Variants in MYO10 observed in about 807,000 individuals in gnomAD.
The protein encoded by MYO10 is unconventional myosin-X.
MYO10 carries 133 observed loss-of-function variants against 257.3 expected under a neutral mutation model. That is an observed-to-expected ratio of 0.52 (90% CI 0.45 to 0.60). The LOEUF (loss-of-function observed/expected upper bound fraction) is 0.60, where lower values mean the gene tolerates loss of function less well. Ranked by LOEUF, MYO10 falls within the 20% of genes least tolerant of loss-of-function variation. The pLI is 0.00. For synonymous variants in MYO10, 1,104 were observed against 1,028.6 expected (o/e 1.07, Z -1.40); for missense variants, 2,399 against 2,635.7 (o/e 0.91, Z 1.97).
rs764475028 is a variant in MYO10, at chr5:16,671,508, A to G, written c.5344T>C (p.Trp1782Arg). 41 of 1,613,850 alleles carry G rather than the reference A, an allele frequency of 2.5e-5. No individual in the cohort carries two copies. In the East Asian group the frequency reaches 8.7e-4, roughly 34 times the overall value. The part of the protein sequence containing the change: ...AATSEVGDLP[W>R]KFYFKLYCFL... ...CAGTAAAGTTTGAAGTAGAATTTCC[A>G]TGGCAGGTCCCCAACCTCGGATGTG... Residue 1782 changes from tryptophan to arginine, a missense_variant, in exon 38 of 41, where the codon TGG becomes CGG. Physicochemically the swap from Trp to Arg is moderately radical, Grantham distance 101. This residue lies in a region of MYO10 where 1,820 missense variants were observed against 1,939.4 expected (regional missense o/e 0.94). Coordinates refer to ENST00000513610, the MANE Select transcript of MYO10 (RefSeq NM_012334.3).
chr5:16,817,431 T>C (rs992644157), intron 3 of MYO10, among the ~76,000 whole-genome samples: 2 of 152,202 alleles, frequency 1.3e-5, no homozygotes, highest in African/African-American at 4.8e-5. Flanking sequence ...CACTTTATAA[T>C]ACAGGTATAG....
At chr5:16,843,076 C>T (rs1743531552) in intron 2 of MYO10, among the ~76,000 whole-genome samples, 2 of 152,040 alleles carry the variant, frequency 1.3e-5, no homozygotes, top group African/African-American at 4.8e-5. Flanking sequence ...TTCATTCCTC[C>T]TGTTCCCCTT....
At chr5:16,694,014 G>A (rs2126529775) in intron 27 of MYO10, among the ~76,000 whole-genome samples, 1 of 152,268 alleles carries the variant, frequency 6.6e-6, no homozygotes, top group Admixed American at 6.6e-5. Context: ...GGCAACAGCT[G>A]GAGTAAGGAA....
rs1303882644 is a variant in MYO10, at chr5:16,747,934, A to G, written c.1929+6894T>C. On this transcript the variant is annotated intron_variant, in intron 19 of 40. Coordinates refer to ENST00000513610, the MANE Select transcript of MYO10 (RefSeq NM_012334.3). Reference sequence around the variant, plus strand: ...ACTCCGTCTCAAAAAAAAAAAAAAAAAAAAAAAAAAAAGAAAAAAAAAAAG... The same window carrying G: ...ACTCCGTCTCAAAAAAAAAAAAAAAGAAAAAAAAAAAAGAAAAAAAAAAAG... Among the ~76,000 whole-genome samples the G allele has an allele frequency of 4.9e-5, 6 of 123,194 alleles. No homozygotes were observed. The South Asian group carries it at 6.3e-4, about 13-fold the overall frequency. The allele number at this position is 123,194 out of a possible 152,430, so 80.8% of individuals were successfully genotyped here.
At chr5:16,866,052 CACACACAAA>C (rs1480011024) in intron 2 of MYO10, among the ~76,000 whole-genome samples, 1 of 149,572 alleles carries the variant, frequency 6.7e-6, no homozygotes, top group African/African-American at 2.5e-5. Flanking sequence ...CACACACACA[CACACACAAA>C]ACAATAGAGG....
chr5:16,924,567 C>T (rs1053825514), intron 1 of MYO10, among the ~76,000 whole-genome samples: 4 of 152,090 alleles, frequency 2.6e-5, no homozygotes, highest in South Asian at 4.1e-4. Flanking sequence ...CAAATAGGCA[C>T]GCAATGACTT....
chr5:16,848,504 G>T (rs555164759), intron 2 of MYO10, among the ~76,000 whole-genome samples: 1 of 152,130 alleles, frequency 6.6e-6, no homozygotes, highest in Admixed American at 6.5e-5. Context: ...ATGCTGCTCT[G>T]ATTTTCTAAA....
In MYO10 at chr5:16,826,994, T is replaced by C. The variant is rs114750046; in HGVS notation, c.121-8827A>G. Reference sequence around the variant, plus strand: ...ATTTTGTACTGAGTAATTTATACTTTTATGGCGTTCCTTTGCAACCAAGAA... The same window carrying C: ...ATTTTGTACTGAGTAATTTATACTTCTATGGCGTTCCTTTGCAACCAAGAA... On this transcript the variant is annotated intron_variant, in intron 2 of 40. Transcript: ENST00000513610. 4.6e-3 allele frequency among the ~76,000 whole-genome samples: 707 copies of C among 152,328 alleles called. 7 individuals are homozygous for C. The highest frequency in any genetic ancestry group is 0.016 in the African/African-American group (660 of 41,576).
chr5:16,752,777 C>A (rs370573816), intron 19 of MYO10, among the ~76,000 whole-genome samples: 1 of 152,156 alleles, frequency 6.6e-6, no homozygotes, highest in African/African-American at 2.4e-5. Flanking sequence ...CAAAGCAAAC[C>A]AAGTGGAACA....
At chr5:16,812,247 G>A (rs2126698529) in intron 3 of MYO10, among the ~76,000 whole-genome samples, 1 of 90,182 alleles carries the variant, frequency 1.1e-5, no homozygotes, top group East Asian at 5.5e-4. Context: ...AGAGCCTGGG[G>A]TTCCAGGAAG....
At chr5:16,722,219 C>T (rs1739179271) in intron 19 of MYO10, among the ~76,000 whole-genome samples, 1 of 152,206 alleles carries the variant, frequency 6.6e-6, no homozygotes, top group Non-Finnish European at 1.5e-5. Flanking sequence ...ACACGCTGTA[C>T]TTGCATGAGG....
rs144496358 is a variant in MYO10 at position 16,871,178 on chromosome 5, C to G, written c.120+6431G>C. Among the ~76,000 whole-genome samples the G allele has an allele frequency of 4.5e-3, 684 of 152,286 alleles. 7 individuals are homozygous for G. Among genetic ancestry groups the G allele is most frequent in the African/African-American group, 0.016 (658 of 41,564 alleles). On this transcript the variant is annotated intron_variant, in intron 2 of 40. Transcript: ENST00000513610. The stretch of plus-strand genomic sequence containing the variant: ...CAATATCCCCATTAAACAGTAATGT[C>G]CAAATCTCCCCTCCTCTCAGAAATA...
chr5:16,877,547 T>C, intron 2 of MYO10, 62 bp downstream of exon 2: 2 of 1,347,310 alleles, frequency 1.5e-6, no homozygotes, highest in Non-Finnish European at 2.1e-6. Context: ...ACACATGCCC[T>C]GGGCACGAAT....
intron 1 of MYO10, among the ~76,000 whole-genome samples, chr5:16,894,153 A>G (rs1745155693): frequency 6.6e-6 from 1 of 152,198 alleles, no homozygotes; most frequent in Admixed American, 6.5e-5. Context: ...CTGGCACCTT[A>G]CCATGAACTC....
At chr5:16,712,124 G>T in intron 19 of MYO10, among the ~76,000 whole-genome samples, 1 of 148,720 alleles carries the variant, frequency 6.7e-6, no homozygotes, top group East Asian at 2.0e-4. Flanking sequence ...GGTGGGGGTG[G>T]GGATGGGGAA....
intron 1 of MYO10, among the ~76,000 whole-genome samples, chr5:16,891,876 G>A (rs935449996): frequency 2.0e-5 from 3 of 152,128 alleles, no homozygotes; most frequent in Non-Finnish European, 4.4e-5. Context: ...AATGTTACAG[G>A]TTTCAGAAAA....
chr5:16,929,555 C>T (rs934379124), intron 1 of MYO10, among the ~76,000 whole-genome samples: 1 of 152,166 alleles, frequency 6.6e-6, no homozygotes, highest in African/African-American at 2.4e-5. Flanking sequence ...GAGTCAGTTA[C>T]TTAACCTCTC....
At chr5:16,931,896 G>T (rs551752054) in intron 1 of MYO10, among the ~76,000 whole-genome samples, 1 of 152,324 alleles carries the variant, frequency 6.6e-6, no homozygotes, top group South Asian at 2.1e-4. Context: ...AACAAGAAAA[G>T]ATGTCAATAG....
In MYO10 at chr5:16,680,045, G is replaced by C; in HGVS notation, c.4444C>G (p.Leu1482Val). 1 of 1,613,964 alleles carries C rather than the reference G, an allele frequency of 6.2e-7. No homozygotes were observed. Among genetic ancestry groups the C allele is most frequent in the Non-Finnish European group, 8.5e-7 (1 of 1,179,876 alleles). Residue 1482 changes from leucine to valine, a missense_variant, in exon 33 of 41, where the codon CTC (leucine) becomes GTC (valine). Leu to Val is a conservative substitution (Grantham distance 32). Around this residue, in one of 3 missense-constraint regions of MYO10, gnomAD observed 1,820 missense variants for 1,939.4 expected, o/e 0.94. Transcript: ENST00000513610. ...KHCYRLYTKL[L>V]NEATRWSSAI... ...CTGGACCACCGGGTGGCCTCGTTGA[G>C]CAGCTTGGTGTAGAGCCGGTAACAG... is the stretch of plus-strand genomic sequence containing the variant.
Sources: gnomAD v4.1 joint callset for allele counts (sites outside exome capture counted in the v4.1 genomes callset) on GRCh38, gnomAD v4.1.1 for gene constraint, gnomAD v4.1.1 regional missense constraint, MANE v1.5 for transcripts, NCBI Gene and HGNC (gene_info 2026-07-23, HGNC 2026-07-21) for gene names.